The following GOLM2 variants were observed in gnomAD, a reference collection of about 807,000 sequenced individuals.
GOLM2 encodes golgi membrane protein 2, also known as protein GOLM2.
In GOLM2, 26 loss-of-function variants were observed where a neutral mutation model predicts 55.9. The observed-to-expected ratio is 0.47, with a 90% CI of 0.34 to 0.65. GOLM2 has a LOEUF of 0.65. GOLM2 is among the 30% of genes least tolerant of loss of function. The pLI is 0.01. For synonymous variants in GOLM2, 165 were observed against 194.6 expected (o/e 0.85, Z 1.27); for missense variants, 486 against 531.8 (o/e 0.91, Z 0.85).
intron 6 of GOLM2, among the ~76,000 whole-genome samples, chr15:44,363,397 AC>A: frequency 6.6e-6 from 1 of 152,334 alleles, no homozygotes; most frequent in Non-Finnish European, 1.5e-5. Flanking sequence ...ATGAACAGAC[AC>A]TTCTCAAAAG....
chr15:44,341,692 T>C (rs1254763883), intron 6 of GOLM2, among the ~76,000 whole-genome samples: 1 of 115,560 alleles, frequency 8.7e-6, no homozygotes, highest in African/African-American at 3.5e-5. Context: ...TTTTATTAGA[T>C]TTTTTTTTTT....
At chr15:44,404,698 A>G (rs2079586603) in intron 9 of GOLM2, among the ~76,000 whole-genome samples, 1 of 151,712 alleles carries the variant, frequency 6.6e-6, no homozygotes, top group South Asian at 2.1e-4. Flanking sequence ...AGGAATTTTT[A>G]TTTATTTTGC....
Position 44,289,278 on chromosome 15 carries a change from G to A in GOLM2, c.249G>A (p.Gln83=), listed in dbSNP as rs766990879. The change falls in exon 1 of 10, where the codon CAG becomes CAA. Residue 83 remains glutamine (Q), a synonymous_variant. Coordinates refer to ENST00000299957, the MANE Select transcript of GOLM2 (RefSeq NM_138423.4). This position sits in a 1 kb window ranked among gnomAD's most constrained non-coding sequence, Gnocchi z 4.8. ...LVDTHKKQID[Q]KEADYGRLSS... ...ACACGCACAAGAAACAGATCGACCAGAAGGAGGCCGACTACGGCCGCCTCA... is the reference window on the plus strand; with the variant it reads ...ACACGCACAAGAAACAGATCGACCAAAAGGAGGCCGACTACGGCCGCCTCA... The A allele has an allele frequency of 1.4e-5, 23 of 1,613,688 alleles. No individual in the cohort carries two copies. The South Asian group carries it at 2.3e-4, about 16-fold the overall frequency.
At chr15:44,378,918 T>G (rs2079383174) in intron 6 of GOLM2, among the ~76,000 whole-genome samples, 1 of 152,032 alleles carries the variant, frequency 6.6e-6, no homozygotes, top group Non-Finnish European at 1.5e-5. Context: ...GCTAATTTTT[T>G]GTATTTTTAG....
At chr15:44,370,044 G>A (rs2079319882) in intron 6 of GOLM2, among the ~76,000 whole-genome samples, 2 of 152,142 alleles carry the variant, frequency 1.3e-5, no homozygotes, top group African/African-American at 4.8e-5. Flanking sequence ...AGAGAAAGAT[G>A]TAGGCTGTTA....
At chr15:44,375,614 C>A (rs946158920) in intron 6 of GOLM2, among the ~76,000 whole-genome samples, 9 of 151,194 alleles carry the variant, frequency 6.0e-5, no homozygotes, top group Admixed American at 4.0e-4. Context: ...CTCCTCTCTA[C>A]AAAAAAAAAT....
intron 4 of GOLM2, among the ~76,000 whole-genome samples, chr15:44,335,282 T>C (rs1325758855): frequency 1.3e-5 from 2 of 152,160 alleles, no homozygotes; most frequent in Non-Finnish European, 2.9e-5. Flanking sequence ...TCTAGAATTA[T>C]TTCAGAATAA....
chr15:44,337,977 A>G, intron 5 of GOLM2, 70 bp downstream of exon 5: 1 of 1,369,248 alleles, frequency 7.3e-7, no homozygotes, highest in Non-Finnish European at 1.0e-6. Context: ...TTTGAAGTGG[A>G]TATTTTCAAT....
chr15:44,294,711 C>CA (rs1415785686), intron 1 of GOLM2, among the ~76,000 whole-genome samples: 787 of 46,674 alleles, frequency 0.017, 4 homozygotes, highest in African/African-American at 0.044. Flanking sequence ...GACTCCATCT[C>CA]AAAAAAAAAA....
chr15:44,331,960 A>G, intron 3 of GOLM2, 28 bp from the exon 4 acceptor site: 1 of 1,442,820 alleles, frequency 6.9e-7, no homozygotes, highest in Non-Finnish European at 9.7e-7. Flanking sequence ...AAGATAATAT[A>G]ATCTAAAAGA....
At chr15:44,412,196 A>G (rs960694104) in intron 9 of GOLM2, among the ~76,000 whole-genome samples, 3 of 152,150 alleles carry the variant, frequency 2.0e-5, no homozygotes, top group African/African-American at 7.2e-5. Flanking sequence ...CAAACAAAAA[A>G]ACCTCTTCAG....
chr15:44,344,924 C>T (rs1354952521), intron 6 of GOLM2, among the ~76,000 whole-genome samples: 1 of 150,588 alleles, frequency 6.6e-6, no homozygotes, highest in Non-Finnish European at 1.5e-5. Context: ...ACTACAGGCA[C>T]CCGCCACAAG....
chr15:44,361,458 A>T (rs917578694), intron 6 of GOLM2, among the ~76,000 whole-genome samples: 2 of 152,114 alleles, frequency 1.3e-5, no homozygotes, highest in African/African-American at 4.8e-5. Flanking sequence ...GAAATGGATA[A>T]ATTCCTCGAC....
intron 1 of GOLM2, among the ~76,000 whole-genome samples, chr15:44,296,303 G>T (rs965610618): frequency 6.6e-6 from 1 of 152,042 alleles, no homozygotes. Context: ...ATAAATAAAA[G>T]GAGCTGTTAG....
intron 6 of GOLM2, 91 bp from the exon 7 acceptor site, chr15:44,379,599 T>C (rs2079387742): frequency 2.7e-6 from 2 of 727,760 alleles, no homozygotes; most frequent in Non-Finnish European, 4.7e-6. Flanking sequence ...ATTAGTGCAA[T>C]GTAAATTGAT....
At chr15:44,364,134 G>A (rs1483075080) in intron 6 of GOLM2, among the ~76,000 whole-genome samples, 1 of 152,070 alleles carries the variant, frequency 6.6e-6, no homozygotes, top group Non-Finnish European at 1.5e-5. Flanking sequence ...CATGTCACAT[G>A]TATATGTATG....
At chr15:44,339,550 C>G (rs1231559036) in intron 6 of GOLM2, among the ~76,000 whole-genome samples, 2 of 152,064 alleles carry the variant, frequency 1.3e-5, no homozygotes, top group East Asian at 3.9e-4. Flanking sequence ...TGTTGGCCAG[C>G]TGGTCTCGAA....
chr15:44,342,387 C>T (rs1374932195), intron 6 of GOLM2, among the ~76,000 whole-genome samples: 3 of 152,070 alleles, frequency 2.0e-5, no homozygotes, highest in African/African-American at 7.2e-5. Context: ...ACATCGGCTC[C>T]CGAGTAGCTG....
chr15:44,326,528 AG>A (rs2141134523), intron 2 of GOLM2, among the ~76,000 whole-genome samples: 1 of 151,948 alleles, frequency 6.6e-6, no homozygotes, highest in Non-Finnish European at 1.5e-5. Context: ...TCCTACTGTC[AG>A]ACACATTCAC....
Sources: allele counts gnomAD v4.1 joint callset (sites outside exome capture counted in the v4.1 genomes callset), GRCh38; gene constraint gnomAD v4.1.1; non-coding constraint Gnocchi (gnomAD v3.1); transcripts MANE v1.5; gene names NCBI Gene and HGNC (gene_info 2026-07-23, HGNC 2026-07-21).